ZMYM2: variants seen among roughly 807,000 people sequenced by gnomAD.
ZMYM2 encodes the protein zinc finger MYM-type protein 2.
A neutral mutation model predicts 162.8 loss-of-function variants in ZMYM2; 56 were observed. The observed-to-expected ratio is 0.34, with a 90% CI of 0.28 to 0.43. The LOEUF (loss-of-function observed/expected upper bound fraction) is 0.43, where lower values mean the gene tolerates loss of function less well. Among genes scored for constraint, ZMYM2 ranks in the 20% least tolerant of loss-of-function variants. ZMYM2 has a pLI of 1.00. For missense variants in ZMYM2, 1,275 were observed against 1,621.8 expected (o/e 0.79, Z 3.67); for synonymous variants, 510 against 541.6 (o/e 0.94, Z 0.81).
chr13:20,084,324 A>G (rs528055588), intron 24 of ZMYM2, among the ~76,000 whole-genome samples: 6 of 152,300 alleles, frequency 3.9e-5, no homozygotes, highest in African/African-American at 1.4e-4. Context: ...TGTCTTTTAA[A>G]TTACAGCAAT....
chr13:20,064,749 A>G (rs1423261469), intron 19 of ZMYM2, among the ~76,000 whole-genome samples: 1 of 151,258 alleles, frequency 6.6e-6, no homozygotes, highest in Non-Finnish European at 1.5e-5. Context: ...TTTGTATAGA[A>G]ATAGTAATTA....
intron 7 of ZMYM2, among the ~76,000 whole-genome samples, chr13:20,021,608 C>T (rs571519468): frequency 2.0e-5 from 3 of 152,178 alleles, no homozygotes; most frequent in Middle Eastern, 3.4e-3. Context: ...CATACTACCG[C>T]GGTGATACCT....
the ZMYM2 span, among the ~76,000 whole-genome samples, chr13:19,941,720 CTTTTTTTT>C: frequency 1.6e-5 from 1 of 63,004 alleles, no homozygotes; most frequent in Non-Finnish European, 2.7e-5. Context: ...TGGCTTTCTG[CTTTTTTTT>C]TTTTTTTTTT....
At chr13:19,885,261 G>C in the ZMYM2 span, among the ~76,000 whole-genome samples, 1 of 152,214 alleles carries the variant, frequency 6.6e-6, no homozygotes, top group Non-Finnish European at 1.5e-5. Flanking sequence ...GCCACGGAGT[G>C]AGACCCTGTC....
chr13:20,030,680 G>C (rs749559433), intron 9 of ZMYM2, among the ~76,000 whole-genome samples: 36 of 152,144 alleles, frequency 2.4e-4, no homozygotes, highest in Non-Finnish European at 4.0e-4. Flanking sequence ...TTACAGGCAT[G>C]AGCCACCACG....
rs780349995 is a variant in ZMYM2, at chr13:20,019,588, C to G, written c.1554C>G (p.His518Gln). 2.5e-6 allele frequency: 4 copies of G among 1,597,674 alleles called. No individual in the cohort carries two copies. The South Asian group carries it at 4.6e-5, about 18-fold the overall frequency. Residue 518 changes from histidine to glutamine, a missense_variant, in exon 7 of 25, where the codon CAC becomes CAG. His to Gln is a conservative substitution (Grantham distance 24). Transcript: ENST00000610343. ...HPSFLKEVRD[H>Q]MQDSFLMQPE... ...GCTTCCTGAAGGAGGTTCGAGATCA[C>G]ATGCAGGACTCTTTCTTAATGCAGC...
At chr13:19,892,535 A>G in the ZMYM2 span, among the ~76,000 whole-genome samples, 8 of 151,892 alleles carry the variant, frequency 5.3e-5, no homozygotes, top group Non-Finnish European at 8.8e-5. Flanking sequence ...TTGGCCTTCC[A>G]AAATGCTGGG....
chr13:20,036,995 T>A (rs1363007101), intron 12 of ZMYM2, 86 bp downstream of exon 12: 2 of 1,325,304 alleles, frequency 1.5e-6, no homozygotes, highest in East Asian at 2.6e-5. Flanking sequence ...GGCAACTCAT[T>A]TATTTTAAAA....
At chr13:19,957,994 G>C (rs1954671361), upstream of ZMYM2, among the ~76,000 whole-genome samples, 1 of 152,268 alleles carries the variant, frequency 6.6e-6, no homozygotes, top group African/African-American at 2.4e-5. Flanking sequence ...GGCCCCACGG[G>C]GTTTGGTTTT....
the ZMYM2 span, among the ~76,000 whole-genome samples, chr13:19,870,462 C>G: frequency 6.6e-6 from 1 of 151,620 alleles, no homozygotes; most frequent in Non-Finnish European, 1.5e-5. Context: ...CTCTTTCTCT[C>G]TTCTTTCCTT....
chr13:20,076,063 A>C, intron 21 of ZMYM2, among the ~76,000 whole-genome samples: 1 of 145,488 alleles, frequency 6.9e-6, no homozygotes, highest in East Asian at 1.9e-4. Context: ...TTTTTCATGA[A>C]TGTGATGAAA....
rs1952611295 is a variant in ZMYM2 at position 20,026,677 on chromosome 13, G to T, written c.1650G>T (p.Gln550His). 2 of 1,611,046 alleles carry T rather than the reference G, an allele frequency of 1.2e-6. No homozygotes were observed. Among genetic ancestry groups the T allele is most frequent in the Non-Finnish European group, 1.7e-6 (2 of 1,179,236 alleles). Residue 550 changes from glutamine to histidine, a missense_variant, in exon 8 of 25, where the codon CAG becomes CAT. Physicochemically the swap from Gln to His is conservative, Grantham distance 24. This residue lies in a region of ZMYM2 where 276 missense variants were observed against 311.8 expected (regional missense o/e 0.89). Transcript: ENST00000610343. ...AGTGCAGGTTTTTTGATATGACTCAGTGTATAGGTCCTAATGGATATATGG... is the reference window on the plus strand; with the variant it reads ...AGTGCAGGTTTTTTGATATGACTCATTGTATAGGTCCTAATGGATATATGG... ...RTQCRFFDMTQCIGPNGYMEP... is the reference protein window; with the variant it reads ...RTQCRFFDMTHCIGPNGYMEP...
At position 20,005,832 on chromosome 13, in the gene ZMYM2, C is replaced by T. The variant is rs144058004; in HGVS notation, c.1300-542C>T. On this transcript the variant is annotated intron_variant, in intron 5 of 24. Coordinates refer to ENST00000610343, the MANE Select transcript of ZMYM2 (RefSeq NM_197968.4). ...CTACCCAAACTTGGTTTTCTGTCAT[C>T]TTCTGATACCTCTAGAGAAGTTTGT... Among the ~76,000 whole-genome samples the T allele has an allele frequency of 5.3e-5, 8 of 152,214 alleles. 1 individual carries two copies. The East Asian group carries it at 1.5e-3, about 29-fold the overall frequency.
intron 3 of ZMYM2, among the ~76,000 whole-genome samples, chr13:19,996,832 A>G (rs1950051831): frequency 6.6e-6 from 1 of 152,192 alleles, no homozygotes; most frequent in South Asian, 2.1e-4. Flanking sequence ...GGCTGCAGTG[A>G]GCTATGATTG....
chr13:19,991,971 C>T (rs1408892310), intron 2 of ZMYM2, among the ~76,000 whole-genome samples: 2 of 152,006 alleles, frequency 1.3e-5, no homozygotes, highest in African/African-American at 2.4e-5. Context: ...CATTTGTGAC[C>T]CACTCAGGTA....
At chr13:20,011,576 T>G (rs1461058050) in intron 6 of ZMYM2, among the ~76,000 whole-genome samples, 4 of 149,632 alleles carry the variant, frequency 2.7e-5, no homozygotes, top group Admixed American at 2.0e-4. Context: ...TTTTTTTGTT[T>G]TATTTTTTTT....
chr13:19,969,189 A>G (rs1359656965), intron 2 of ZMYM2, among the ~76,000 whole-genome samples: 4 of 152,206 alleles, frequency 2.6e-5, no homozygotes, highest in East Asian at 1.9e-4. Context: ...ACTATCAACA[A>G]TGGACGTATT....
At chr13:20,012,756 G>T (rs1335402527) in intron 6 of ZMYM2, among the ~76,000 whole-genome samples, 1 of 152,110 alleles carries the variant, frequency 6.6e-6, no homozygotes, top group Non-Finnish European at 1.5e-5. Context: ...CTGTGGAATG[G>T]ACTTATCACA....
At chr13:19,885,702 G>C in the ZMYM2 span, among the ~76,000 whole-genome samples, 1 of 151,540 alleles carries the variant, frequency 6.6e-6, no homozygotes, top group African/African-American at 2.4e-5. Context: ...ACAAAATTTA[G>C]CTGGACATGT....
Sources: allele counts gnomAD v4.1 joint callset (sites outside exome capture counted in the v4.1 genomes callset), GRCh38; gene constraint gnomAD v4.1.1; regional missense constraint gnomAD v4.1.1; transcripts MANE v1.5; gene names NCBI Gene and HGNC (gene_info 2026-07-23, HGNC 2026-07-21).